Variants in ARB2A observed in about 807,000 individuals in gnomAD.
ARB2A encodes the protein cotranscriptional regulator ARB2A.
At chr5:93,952,066 A>T in the ARB2A span, among the ~76,000 whole-genome samples, 1 of 152,200 alleles carries the variant, frequency 6.6e-6, no homozygotes, top group African/African-American at 2.4e-5. Flanking sequence ...CCCTGGATAT[A>T]GGTAAGACCC....
chr5:93,891,034 AATG>A, the ARB2A span, among the ~76,000 whole-genome samples: 4 of 152,164 alleles, frequency 2.6e-5, no homozygotes, highest in South Asian at 8.3e-4. Context: ...TTGAAGTAAT[AATG>A]GACCTTGTCT....
At chr5:93,715,636 C>T in the ARB2A span, among the ~76,000 whole-genome samples, 2 of 151,504 alleles carry the variant, frequency 1.3e-5, no homozygotes, top group South Asian at 4.2e-4. Context: ...CTGATCCTTT[C>T]CCCCGCCTTT....
chr5:93,685,137 A>C, the ARB2A span, among the ~76,000 whole-genome samples: 1 of 152,158 alleles, frequency 6.6e-6, no homozygotes, highest in African/African-American at 2.4e-5. Flanking sequence ...TCATGTTTGT[A>C]ATATTTCTCA....
At chr5:93,782,651 T>TAA in the ARB2A span, among the ~76,000 whole-genome samples, 1 of 152,192 alleles carries the variant, frequency 6.6e-6, no homozygotes, top group African/African-American at 2.4e-5. Context: ...CGAACTTTTT[T>TAA]AAAGTGCCAA....
At chr5:94,005,646 A>G in the ARB2A span, among the ~76,000 whole-genome samples, 1 of 152,262 alleles carries the variant, frequency 6.6e-6, no homozygotes, top group Non-Finnish European at 1.5e-5. Flanking sequence ...TCTGAAAAAG[A>G]ACTAGTATCT....
At chr5:93,906,125 T>A in the ARB2A span, among the ~76,000 whole-genome samples, 13 of 151,554 alleles carry the variant, frequency 8.6e-5, no homozygotes, top group Non-Finnish European at 1.5e-4. Context: ...TGTTTTACAT[T>A]TCATATTTGC....
At chr5:93,945,822 G>A in the ARB2A span, among the ~76,000 whole-genome samples, 3 of 152,032 alleles carry the variant, frequency 2.0e-5, no homozygotes, top group African/African-American at 7.2e-5. Flanking sequence ...AAATAACAAT[G>A]AAACAAAATA....
the ARB2A span, among the ~76,000 whole-genome samples, chr5:93,789,256 T>C: frequency 6.6e-6 from 1 of 152,210 alleles, no homozygotes; most frequent in African/African-American, 2.4e-5. Flanking sequence ...GAAAATCAGA[T>C]AACACATATT....
At chr5:93,809,900 C>A in the ARB2A span, among the ~76,000 whole-genome samples, 38 of 151,834 alleles carry the variant, frequency 2.5e-4, 1 homozygote, top group African/African-American at 8.9e-4. Flanking sequence ...ATATATGGGA[C>A]AAAATAAAAG....
At chr5:93,810,195 G>GT in the ARB2A span, among the ~76,000 whole-genome samples, 543 of 136,632 alleles carry the variant, frequency 4.0e-3, 1 homozygote, top group East Asian at 5.7e-3. Context: ...TGTAGGTTTC[G>GT]TTTTTTTTTT....
chr5:93,732,323 A>T, the ARB2A span, among the ~76,000 whole-genome samples: 1 of 152,186 alleles, frequency 6.6e-6, no homozygotes, highest in Non-Finnish European at 1.5e-5. Flanking sequence ...TTTCTTCAAA[A>T]ATGACAAGCA....
At chr5:93,651,274 TA>T in the ARB2A span, among the ~76,000 whole-genome samples, 2 of 152,068 alleles carry the variant, frequency 1.3e-5, no homozygotes, top group Non-Finnish European at 2.9e-5. Flanking sequence ...TAGATGGGAC[TA>T]CAGGTGTGTA....
At chr5:93,752,521 A>G in the ARB2A span, among the ~76,000 whole-genome samples, 2 of 152,164 alleles carry the variant, frequency 1.3e-5, no homozygotes, top group African/African-American at 4.8e-5. Context: ...AGTTTTCACA[A>G]ATTGGTTCAG....
chr5:93,873,913 G>C, the ARB2A span, among the ~76,000 whole-genome samples: 1 of 152,262 alleles, frequency 6.6e-6, no homozygotes, highest in African/African-American at 2.4e-5. Context: ...TTCCAAATAG[G>C]TTGCAGAAAG....
the ARB2A span, among the ~76,000 whole-genome samples, chr5:94,039,676 A>T: frequency 5.3e-5 from 8 of 152,222 alleles, no homozygotes; most frequent in East Asian, 7.7e-4. Flanking sequence ...CTCGCCCCGA[A>T]TTCTTTCTTG....
At chr5:93,842,672 C>T in the ARB2A span, among the ~76,000 whole-genome samples, 3 of 152,190 alleles carry the variant, frequency 2.0e-5, no homozygotes, top group Admixed American at 6.5e-5. Flanking sequence ...TGAGAACCAA[C>T]TCCATTTACA....
chr5:93,935,238 A>G, the ARB2A span, among the ~76,000 whole-genome samples: 6 of 152,158 alleles, frequency 3.9e-5, no homozygotes, highest in Non-Finnish European at 7.3e-5. Context: ...TTAAAACGAT[A>G]TTTTTAGTGG....
At chr5:93,687,240 G>T in the ARB2A span, among the ~76,000 whole-genome samples, 2 of 152,100 alleles carry the variant, frequency 1.3e-5, no homozygotes, top group African/African-American at 4.8e-5. Context: ...AAATTTAATT[G>T]ATTTTTTGCA....
At chr5:94,036,570 T>C in the ARB2A span, among the ~76,000 whole-genome samples, 4 of 152,214 alleles carry the variant, frequency 2.6e-5, no homozygotes, top group East Asian at 7.7e-4. Flanking sequence ...CATCTTTTCA[T>C]ATGTTTAAAG....
Sources: gnomAD v4.1 joint callset for allele counts (sites outside exome capture counted in the v4.1 genomes callset) on GRCh38, gnomAD v4.1.1 for gene constraint, MANE v1.5 for transcripts, NCBI Gene and HGNC (gene_info 2026-07-23, HGNC 2026-07-21) for gene names.